The following FBLN2 variants were observed in gnomAD, a reference collection of about 807,000 sequenced individuals.
FBLN2 encodes the protein fibulin-2.
Under a neutral mutation model 123.7 loss-of-function variants are expected in FBLN2, and 81 were observed. The observed-to-expected ratio is 0.65, with a 90% CI of 0.55 to 0.79. The LOEUF is 0.79. Among genes scored for constraint, FBLN2 ranks in the 30% least tolerant of loss-of-function variants. The probability of loss-of-function intolerance (pLI) is 0.00; values close to 1 mark genes in which losing one functional copy is unlikely to be tolerated. For synonymous variants in FBLN2, 699 were observed against 701.4 expected (o/e 1.00, Z 0.05); for missense variants, 1,603 against 1,681.3 (o/e 0.95, Z 0.81).
chr3:13,613,952 G>A (rs1412192732), intron 4 of FBLN2, 32 bp from the exon 5 acceptor site: 4 of 1,600,144 alleles, frequency 2.5e-6, no homozygotes, highest in African/African-American at 2.7e-5. Context: ...TGGGGCCAGA[G>A]ATTGGGCAGT....
At chr3:13,622,036 G>C in intron 9 of FBLN2, 121 bp downstream of exon 9, 1 of 1,185,014 alleles carries the variant, frequency 8.4e-7, no homozygotes, top group Non-Finnish European at 1.2e-6. Context: ...TCTCAGCACA[G>C]CCGGCATCTC....
At chr3:13,560,351 G>T (rs1703570143) in intron 1 of FBLN2, among the ~76,000 whole-genome samples, 1 of 152,148 alleles carries the variant, frequency 6.6e-6, no homozygotes, top group Non-Finnish European at 1.5e-5. Context: ...GGAAGGCCCA[G>T]TGACCAGTGA....
rs878993146 is a variant in FBLN2 at position 13,628,913 on chromosome 3, G to A, written c.2578G>A (p.Glu860Lys). Residue 860 changes from glutamate (E) to lysine (K), a missense_variant, in exon 12 of 18, where the codon GAG becomes AAG. By Grantham distance (56) the Glu-to-Lys change is moderately conservative. Transcript: ENST00000404922. ...DPEGNCVDIN[E>K]CTSLSEPCRP... Reference sequence around the variant, plus strand: ...TACACCTGCCTCTGCAGACATCAACGAGTGCACGTCACTGTCCGAGCCATG... The same window carrying A: ...TACACCTGCCTCTGCAGACATCAACAAGTGCACGTCACTGTCCGAGCCATG... 5 of 1,612,794 alleles carry A rather than the reference G, an allele frequency of 3.1e-6. No individual in the cohort carries two copies. In the African/African-American group the frequency reaches 5.3e-5, roughly 17 times the overall value.
At chr3:13,582,426 G>T (rs1386724458) in intron 2 of FBLN2, among the ~76,000 whole-genome samples, 1 of 152,224 alleles carries the variant, frequency 6.6e-6, no homozygotes, top group African/African-American at 2.4e-5. Flanking sequence ...CCAGGCTGTG[G>T]GCCTCTAGGA....
intron 1 of FBLN2, among the ~76,000 whole-genome samples, chr3:13,551,227 G>A (rs1194451263): frequency 6.6e-6 from 1 of 152,216 alleles, no homozygotes; most frequent in Non-Finnish European, 1.5e-5. Flanking sequence ...GGGAAGCCCT[G>A]GGCGGGCCTC....
chr3:13,618,107 C>T lies in FBLN2; in HGVS notation c.1761C>T (p.Ala587=). 3 of 1,613,472 alleles carry T rather than the reference C, an allele frequency of 1.9e-6. No individual in the cohort carries two copies. Among genetic ancestry groups the T allele is most frequent in the Non-Finnish European group, 2.5e-6 (3 of 1,179,906 alleles). ...VSEAEMAGRE[A]LSLGTEAELP... ...AGGCAGAGATGGCGGGCCGAGAGGCCCTGTCACTGGGCACAGAGGCCGAGC... is the reference window on the plus strand; with the variant it reads ...AGGCAGAGATGGCGGGCCGAGAGGCTCTGTCACTGGGCACAGAGGCCGAGC... The change falls in exon 6 of 18, where the codon GCC becomes GCT. Residue 587 remains alanine, a synonymous_variant. Coordinates refer to ENST00000404922, the MANE Select transcript of FBLN2 (RefSeq NM_001004019.2).
chr3:13,596,793 A>G (rs1371664421), intron 2 of FBLN2, among the ~76,000 whole-genome samples: 1 of 152,100 alleles, frequency 6.6e-6, no homozygotes, highest in Admixed American at 6.6e-5. Context: ...ACCCCATACA[A>G]GTGGAATCAT....
In FBLN2 at chr3:13,628,911, A is replaced by G. The variant is rs982299536; in HGVS notation, c.2576A>G (p.Asn859Ser). 1 of 1,612,684 alleles carries G rather than the reference A, an allele frequency of 6.2e-7. No homozygotes were observed. Among genetic ancestry groups the G allele is most frequent in the African/African-American group, 1.3e-5 (1 of 74,860 alleles). Residue 859 changes from asparagine (N) to serine (S), a missense_variant, in exon 12 of 18, where the codon AAC (asparagine) becomes AGC (serine). Physicochemically the swap from Asn to Ser is conservative, Grantham distance 46 (BLOSUM62 1). Transcript: ENST00000404922. The stretch of plus-strand genomic sequence containing the variant: ...CCTACACCTGCCTCTGCAGACATCA[A>G]CGAGTGCACGTCACTGTCCGAGCCA... The part of the protein sequence containing the change: ...QDPEGNCVDI[N>S]ECTSLSEPCR...
intron 2 of FBLN2, among the ~76,000 whole-genome samples, chr3:13,576,039 TAAGCAGGCTGG>T (rs920322943): frequency 2.1e-4 from 32 of 152,148 alleles, no homozygotes; most frequent in African/African-American, 7.5e-4. Context: ...CTGCCCACCG[TAAGCAGGCTGG>T]AAGCAGAGTT....
chr3:13,569,065 T>C, intron 1 of FBLN2: 1 of 985,888 alleles, frequency 1.0e-6, no homozygotes. Context: ...GGGAGCACGC[T>C]GTCTATAAGA....
At chr3:13,576,160 A>G (rs894933715) in intron 2 of FBLN2, among the ~76,000 whole-genome samples, 5 of 152,312 alleles carry the variant, frequency 3.3e-5, no homozygotes, top group South Asian at 4.1e-4. Flanking sequence ...ATGCCCAGCA[A>G]GTGCTGTGGG....
Position 13,635,397 on chromosome 3 carries a change from CA to C in FBLN2, c.3215-1047del, listed in dbSNP as rs1418052046. ...GGTTACACACACACACACACACACA[CA>C]CCCACACACACCCCTACCCCACCCC... On this transcript the variant is annotated intron_variant, in intron 16 of 17. Coordinates refer to ENST00000404922, the MANE Select transcript of FBLN2 (RefSeq NM_001004019.2). Among the ~76,000 whole-genome samples, 10 of 152,024 alleles carry C rather than the reference CA, an allele frequency of 6.6e-5. No individual in the cohort carries two copies. The South Asian group carries it at 8.3e-4, about 13-fold the overall frequency.
chr3:13,600,268 C>T (rs1024394913), intron 2 of FBLN2, among the ~76,000 whole-genome samples: 3 of 152,084 alleles, frequency 2.0e-5, no homozygotes, highest in African/African-American at 7.2e-5. Flanking sequence ...TGGATGGCAC[C>T]TGGCAATGCT....
chr3:13,609,680 G>T, intron 4 of FBLN2, 38 bp downstream of exon 4: 1 of 1,519,830 alleles, frequency 6.6e-7, no homozygotes, highest in Admixed American at 2.1e-5. Flanking sequence ...AGGGTGGGGT[G>T]GGGCGGGGCG....
At chr3:13,579,069 C>A (rs1380410174) in intron 2 of FBLN2, among the ~76,000 whole-genome samples, 1 of 152,154 alleles carries the variant, frequency 6.6e-6, no homozygotes, top group Non-Finnish European at 1.5e-5. Flanking sequence ...AAAAAGAGAA[C>A]TATCAGACTG....
At position 13,619,758 on chromosome 3, in the gene FBLN2, C is replaced by A. The variant is rs1559422800; in HGVS notation, c.2082C>A (p.Ser694Arg). The A allele has an allele frequency of 6.2e-7, 1 of 1,613,494 alleles. No individual in the cohort carries two copies. Residue 694 changes from serine to arginine, a missense_variant, in exon 8 of 18, where the codon AGC becomes AGA. Physicochemically the swap from Ser to Arg is moderately radical, Grantham distance 110. Transcript: ENST00000404922. ...ATGGACCCTGCAAGCAGGTGTGCAG[C>A]ACTGTTGGGGGCTCAGCCATATGCT... ...KDNGPCKQVC[S>R]TVGGSAICSC...
At chr3:13,617,569 A>G (rs1290101285) in intron 5 of FBLN2, among the ~76,000 whole-genome samples, 1 of 127,520 alleles carries the variant, frequency 7.8e-6, no homozygotes, top group African/African-American at 3.3e-5. Context: ...TCCAGTTACA[A>G]CCCATCCACC....
intron 9 of FBLN2, among the ~76,000 whole-genome samples, 162 bp from the exon 10 acceptor site, chr3:13,626,283 G>A (rs895467264): frequency 6.6e-6 from 1 of 152,224 alleles, no homozygotes; most frequent in Non-Finnish European, 1.5e-5. Context: ...GTTGAATGAA[G>A]GGATGTTTGG....
intron 2 of FBLN2, among the ~76,000 whole-genome samples, chr3:13,603,645 G>A (rs374456527): frequency 2.6e-5 from 4 of 152,156 alleles, no homozygotes; most frequent in African/African-American, 4.8e-5. Context: ...ATTGATGGAC[G>A]TTTGGGTTGG....
Sources: allele counts gnomAD v4.1 joint callset (sites outside exome capture counted in the v4.1 genomes callset), GRCh38; gene constraint gnomAD v4.1.1; transcripts MANE v1.5; gene names NCBI Gene and HGNC (gene_info 2026-07-23, HGNC 2026-07-21).